The following AMD1 variants were observed in gnomAD, a reference collection of about 807,000 sequenced individuals.
The protein encoded by AMD1 is S-adenosylmethionine decarboxylase proenzyme.
Under a neutral mutation model 40.2 loss-of-function variants are expected in AMD1, and 11 were observed. The observed-to-expected ratio is 0.27, with a 90% CI of 0.17 to 0.45. The LOEUF (loss-of-function observed/expected upper bound fraction) is 0.45, where lower values mean the gene tolerates loss of function less well. AMD1 is among the 20% of genes least tolerant of loss of function. The probability of loss-of-function intolerance (pLI) is 1.00; values close to 1 mark genes in which losing one functional copy is unlikely to be tolerated. For missense variants in AMD1, 257 were observed against 410.2 expected (o/e 0.63, Z 3.23); for synonymous variants, 121 against 130.8 (o/e 0.93, Z 0.51).
chr6:110,843,691 G>A, the AMD1 span, among the ~76,000 whole-genome samples: 49 of 152,138 alleles, frequency 3.2e-4, no homozygotes, highest in African/African-American at 1.1e-3. Flanking sequence ...GGCTCAGGTG[G>A]ATCCTTCCAC....
At chr6:110,842,372 G>A in the AMD1 span, among the ~76,000 whole-genome samples, 1 of 152,146 alleles carries the variant, frequency 6.6e-6, no homozygotes, top group African/African-American at 2.4e-5. Context: ...GGGAGAAAAA[G>A]GCAGCAGGCT....
chr6:110,845,009 G>A, the AMD1 span, among the ~76,000 whole-genome samples: 1 of 151,070 alleles, frequency 6.6e-6, no homozygotes, highest in Admixed American at 6.6e-5. Context: ...GCGCAAGCAC[G>A]AGACAGTGAG....
At chr6:110,885,518 C>G (rs900230406) in intron 1 of AMD1, among the ~76,000 whole-genome samples, 1 of 152,154 alleles carries the variant, frequency 6.6e-6, no homozygotes, top group African/African-American at 2.4e-5. Context: ...GCAACCTCCA[C>G]CTTCAGGGTT....
At chr6:110,845,968 G>T in the AMD1 span, among the ~76,000 whole-genome samples, 1 of 152,178 alleles carries the variant, frequency 6.6e-6, no homozygotes, top group South Asian at 2.1e-4. Flanking sequence ...TAGGCCGGGC[G>T]TGATGGCTCA....
chr6:110,866,690 G>GAT, the AMD1 span, among the ~76,000 whole-genome samples: 1 of 152,076 alleles, frequency 6.6e-6, no homozygotes, highest in African/African-American at 2.4e-5. Flanking sequence ...ATCTTAGGAA[G>GAT]ATAAAGGAAC....
intron 1 of AMD1, among the ~76,000 whole-genome samples, chr6:110,881,027 A>C (rs952559880): frequency 1.3e-5 from 2 of 152,190 alleles, no homozygotes; most frequent in Admixed American, 1.3e-4. Context: ...ATTAGACCTC[A>C]GCCTCTAAGA....
chr6:110,858,484 G>T, the AMD1 span: 1 of 1,361,382 alleles, frequency 7.3e-7, no homozygotes, highest in Non-Finnish European at 1.1e-6. Flanking sequence ...TGCAGAACTG[G>T]CACCAACTAG....
chr6:110,825,881 C>T, the AMD1 span, among the ~76,000 whole-genome samples: 1 of 152,084 alleles, frequency 6.6e-6, no homozygotes, highest in Admixed American at 6.6e-5. Context: ...AAAAATCAGA[C>T]ATCTAGACAG....
the AMD1 span, among the ~76,000 whole-genome samples, chr6:110,826,689 T>TTTC: frequency 3.0e-5 from 2 of 66,034 alleles, no homozygotes; most frequent in South Asian, 7.7e-4. Flanking sequence ...CTTTTCTTTC[T>TTTC]TTTTTTTTTT....
At chr6:110,880,300 C>CT (rs1051604531) in intron 1 of AMD1, among the ~76,000 whole-genome samples, 53 of 152,194 alleles carry the variant, frequency 3.5e-4, no homozygotes, top group African/African-American at 1.2e-3. Context: ...TATGAGGTGA[C>CT]TTGCAAGTAT....
At chr6:110,887,244 C>G (rs1250715904) in intron 1 of AMD1, among the ~76,000 whole-genome samples, 1 of 151,838 alleles carries the variant, frequency 6.6e-6, no homozygotes, top group Non-Finnish European at 1.5e-5. Context: ...GTTTATGGAC[C>G]TTTGAACATT....
chr6:110,840,856 A>T, the AMD1 span, among the ~76,000 whole-genome samples: 4 of 152,160 alleles, frequency 2.6e-5, no homozygotes, highest in African/African-American at 7.2e-5. Flanking sequence ...ACTCAGCATT[A>T]TAACAAAAAC....
chr6:110,859,062 G>A, the AMD1 span: 1 of 1,260,082 alleles, frequency 7.9e-7, no homozygotes, highest in East Asian at 2.3e-5. Flanking sequence ...AGAAGGCACA[G>A]TGGCCGACAG....
the AMD1 span, among the ~76,000 whole-genome samples, chr6:110,835,730 T>G: frequency 6.2e-3 from 942 of 152,132 alleles, 12 homozygotes; most frequent in African/African-American, 0.022. Context: ...CTGGGCATGG[T>G]GGCAGGCACC....
At chr6:110,816,918 TAA>T in the AMD1 span, among the ~76,000 whole-genome samples, 1 of 152,164 alleles carries the variant, frequency 6.6e-6, no homozygotes. Context: ...GGATGTAATA[TAA>T]GTGTCAAACA....
the AMD1 span, among the ~76,000 whole-genome samples, chr6:110,862,814 C>T: frequency 6.6e-6 from 1 of 152,104 alleles, no homozygotes; most frequent in African/African-American, 2.4e-5. Flanking sequence ...GTTGAAGGCT[C>T]TCCTCAAATA....
chr6:110,865,832 G>A, the AMD1 span, among the ~76,000 whole-genome samples: 123 of 151,342 alleles, frequency 8.1e-4, no homozygotes, highest in Admixed American at 1.4e-3. Context: ...GTGCAATCTC[G>A]GCTCACTGCA....
chr6:110,855,988 G>A, the AMD1 span, among the ~76,000 whole-genome samples: 14,420 of 152,174 alleles, frequency 0.095, 1,321 homozygotes, highest in African/African-American at 0.24. Context: ...GCTGCGGTAG[G>A]AGGATTAATT....
chr6:110,887,026 T>G (rs1372521713), intron 1 of AMD1, among the ~76,000 whole-genome samples: 1 of 152,192 alleles, frequency 6.6e-6, no homozygotes, highest in Non-Finnish European at 1.5e-5. Context: ...TAATTGGCAG[T>G]CATTCCAGTT....
Sources: gnomAD v4.1 joint callset for allele counts (sites outside exome capture counted in the v4.1 genomes callset) on GRCh38, gnomAD v4.1.1 for gene constraint, MANE v1.5 for transcripts, NCBI Gene and HGNC (gene_info 2026-07-23, HGNC 2026-07-21) for gene names.